The following PAXBP1 variants were observed in gnomAD, a reference collection of about 807,000 sequenced individuals.
PAXBP1 encodes PAX3- and PAX7-binding protein 1.
A neutral mutation model predicts 119.9 loss-of-function variants in PAXBP1; 44 were observed. The observed-to-expected ratio is 0.37, with a 90% CI of 0.29 to 0.47. The LOEUF (loss-of-function observed/expected upper bound fraction) is 0.47. PAXBP1 is among the 20% of genes least tolerant of loss of function. The pLI is 0.99. For synonymous variants in PAXBP1, 393 were observed against 406.6 expected, an observed-to-expected ratio of 0.97 and a Z score of 0.40; for missense variants, 898 against 1,134.1, an observed-to-expected ratio of 0.79 and a Z score of 2.99.
chr21:32,742,659 A>G (rs576934327), intron 15 of PAXBP1: 18 of 188,546 alleles, frequency 9.5e-5, no homozygotes, highest in Admixed American at 5.1e-4. Context: ...TCAGTGCTAT[A>G]TCCCCGAACC....
chr21:32,745,565 G>A lies in PAXBP1; in HGVS notation c.2068+9C>T. ...TCTGAATGCTCAATTCAGAGAACAG[G>A]AGATTTACCTGTTAGTTTAGGAAGA... On this transcript the variant is annotated intron_variant, in intron 12 of 17. Coordinates refer to ENST00000331923, the MANE Select transcript of PAXBP1 (RefSeq NM_016631.4). 6.2e-7 allele frequency: 1 copy of A among 1,613,792 alleles called. No individual in the cohort carries two copies. Among genetic ancestry groups the A allele is most frequent in the East Asian group, 2.2e-5 (1 of 44,866 alleles).
At chr21:32,737,622 C>T (rs761568885) in intron 16 of PAXBP1, 4 of 379,240 alleles carry the variant, frequency 1.1e-5, no homozygotes, top group Non-Finnish European at 1.9e-5. Flanking sequence ...GGGTTAGGCA[C>T]TCAAAGCAAA....
chr21:32,764,605 TA>T (rs1191721514), intron 2 of PAXBP1, 81 bp from the exon 3 acceptor site: 1 of 1,143,940 alleles, frequency 8.7e-7, no homozygotes. Flanking sequence ...TTGACATCAT[TA>T]AAAATTTTTT....
rs1179526537 is a variant in PAXBP1, at chr21:32,759,216, T to C, written c.1247A>G (p.His416Arg). Residue 416 changes from histidine (H) to arginine (R), a missense_variant, in exon 7 of 18, where the codon CAT becomes CGT. This residue lies in a region of PAXBP1 where 599 missense variants were observed against 852.7 expected (regional missense o/e 0.70). Transcript: ENST00000331923. ...HKTNRQQHEK[H>R]LQSRVDSTRA... The stretch of plus-strand genomic sequence containing the variant: ...GGTAGAGTCCACTCGGCTTTGCAGA[T>C]GTTTCTCATGCTGCTGTCGATTTGT... The C allele has an allele frequency of 6.2e-7, 1 of 1,613,966 alleles. No homozygotes were observed. Among genetic ancestry groups the C allele is most frequent in the Non-Finnish European group, 8.5e-7 (1 of 1,179,954 alleles).
In PAXBP1 at chr21:32,743,169, A is replaced by G; in HGVS notation, c.2334+79T>C. Reference sequence around the variant, plus strand: ...TAGATCTAAGCCTATGGAGTTAATAAAAAACAAAACACTCTAAAAAATGTA... The same window carrying G: ...TAGATCTAAGCCTATGGAGTTAATAGAAAACAAAACACTCTAAAAAATGTA... On this transcript the variant is annotated intron_variant, in intron 15 of 17. Coordinates refer to ENST00000331923, the MANE Select transcript of PAXBP1 (RefSeq NM_016631.4). 6 of 1,106,246 alleles carry G rather than the reference A, an allele frequency of 5.4e-6. No individual in the cohort carries two copies. The South Asian group carries it at 8.3e-5, about 15-fold the overall frequency. 68.5% of individuals were successfully genotyped at this position (1,106,246 alleles called of 1,614,324 possible). A position where few individuals can be genotyped will look rare whatever the true frequency, so the allele number is the denominator to read the frequency against.
chr21:32,736,098 A>C (rs371370675), intron 17 of PAXBP1, among the ~76,000 whole-genome samples: 1 of 152,262 alleles, frequency 6.6e-6, no homozygotes, highest in African/African-American at 2.4e-5. Flanking sequence ...ACAGAGAAAA[A>C]AATATTAGTG....
chr21:32,760,593 G>A (rs1017509064), intron 5 of PAXBP1, among the ~76,000 whole-genome samples: 11 of 151,878 alleles, frequency 7.2e-5, no homozygotes, highest in African/African-American at 9.7e-5. Context: ...TAAGCTACAC[G>A]CACAAAAACA....
chr21:32,759,451 TCA>T (rs142737715), intron 6 of PAXBP1, 182 bp from the exon 7 acceptor site: 44,430 of 725,542 alleles, frequency 0.061, 1,489 homozygotes, highest in African/African-American at 0.083. Context: ...TTTACAGATT[TCA>T]CAGTTTTGTG....
chr21:32,744,502 T>A (rs780689747), intron 13 of PAXBP1, among the ~76,000 whole-genome samples: 1 of 151,946 alleles, frequency 6.6e-6, no homozygotes, highest in Non-Finnish European at 1.5e-5. Context: ...GACTGAGGTG[T>A]GGTGGTGAGA....
chr21:32,735,122 T>G, intron 17 of PAXBP1, 55 bp from the exon 18 acceptor site: 1 of 1,222,408 alleles, frequency 8.2e-7, no homozygotes, highest in East Asian at 2.4e-5. Flanking sequence ...AAGAGAAAAT[T>G]TGCTACTGAT....
chr21:32,768,412 T>C (rs1010736825), intron 2 of PAXBP1, among the ~76,000 whole-genome samples: 11 of 152,256 alleles, frequency 7.2e-5, no homozygotes, highest in African/African-American at 2.4e-4. Flanking sequence ...ATTTGACTCT[T>C]TCTTTTAAAT....
At chr21:32,744,964 T>G (rs751069083) in intron 12 of PAXBP1, 51 bp from the exon 13 acceptor site, 10 of 1,572,004 alleles carry the variant, frequency 6.4e-6, no homozygotes, top group Admixed American at 6.2e-5. Context: ...GTACCTTTAA[T>G]TTTTTGTCAA....
intron 7 of PAXBP1, among the ~76,000 whole-genome samples, chr21:32,757,591 T>G (rs181942231): frequency 2.0e-5 from 3 of 152,334 alleles, no homozygotes; most frequent in Non-Finnish European, 2.9e-5. Context: ...TTGTCCTACT[T>G]TTGGTATGAT....
intron 7 of PAXBP1, chr21:32,756,699 T>C (rs554709787): frequency 8.6e-6 from 2 of 233,032 alleles, no homozygotes; most frequent in African/African-American, 2.4e-5. Context: ...TAAAGATAAA[T>C]GAGCCTGAGG....
chr21:32,741,668 C>T, intron 15 of PAXBP1: 2 of 655,648 alleles, frequency 3.1e-6, no homozygotes, highest in Non-Finnish European at 5.5e-6. Flanking sequence ...CCAGTTTTTA[C>T]ACAGAAAGGC....
At position 32,771,726 on chromosome 21, in the gene PAXBP1, C is replaced by A. The variant is rs1378619693; in HGVS notation, c.-58G>T. On this transcript the variant is annotated 5_prime_UTR_variant, in exon 1 of 18. Coordinates refer to ENST00000331923, the MANE Select transcript of PAXBP1 (RefSeq NM_016631.4). ...TTCCACACCGCGGCCCCGGCAGCGCCGAGCTCGTGACGGCGCACGCGCGCT... is the reference window on the plus strand; with the variant it reads ...TTCCACACCGCGGCCCCGGCAGCGCAGAGCTCGTGACGGCGCACGCGCGCT... 5.0e-5 allele frequency: 66 copies of A among 1,309,902 alleles called. No individual in the cohort carries two copies. The highest frequency in any genetic ancestry group is 6.1e-5 in the Non-Finnish European group (62 of 1,024,022). 81.1% of individuals were successfully genotyped at this position (1,309,902 alleles called of 1,614,324 possible).
intron 5 of PAXBP1, 122 bp from the exon 6 acceptor site, chr21:32,760,116 A>T: frequency 2.8e-6 from 2 of 707,804 alleles, no homozygotes; most frequent in Non-Finnish European, 4.6e-6. Flanking sequence ...TTATGTAATA[A>T]TTGCAGAATT....
intron 8 of PAXBP1, 82 bp downstream of exon 8, chr21:32,755,148 C>T: frequency 8.3e-7 from 1 of 1,209,436 alleles, no homozygotes; most frequent in Non-Finnish European, 1.1e-6. Context: ...AAAAAAGCTC[C>T]AAGATCTCTA....
intron 7 of PAXBP1, among the ~76,000 whole-genome samples, chr21:32,757,461 C>CA (rs556109390): frequency 2.2e-3 from 338 of 151,882 alleles, no homozygotes; most frequent in Non-Finnish European, 2.3e-3. Flanking sequence ...AGATTTGTTC[C>CA]AAAAAATCTA....
Sources: gnomAD v4.1 joint callset for allele counts (sites outside exome capture counted in the v4.1 genomes callset) on GRCh38, gnomAD v4.1.1 for gene constraint, gnomAD v4.1.1 regional missense constraint, MANE v1.5 for transcripts, NCBI Gene and HGNC (gene_info 2026-07-23, HGNC 2026-07-21) for gene names.